Variants in LIN52 observed in about 807,000 individuals in gnomAD.
The protein encoded by LIN52 is protein lin-52 homolog.
LIN52 carries 4 observed loss-of-function variants against 18.5 expected under a neutral mutation model. That is an observed-to-expected ratio of 0.22 (90% confidence interval 0.11 to 0.49). The LOEUF is 0.49. LIN52 is among the 20% of genes least tolerant of loss of function. The pLI is 0.97. For missense variants in LIN52, 102 were observed against 139.5 expected (o/e 0.73, Z 1.35); for synonymous variants, 34 against 45.5 (o/e 0.75, Z 1.02).
intron 1 of LIN52, among the ~76,000 whole-genome samples, chr14:74,089,804 C>A (rs2060760125): frequency 6.6e-6 from 1 of 151,898 alleles, no homozygotes; most frequent in South Asian, 2.1e-4. Flanking sequence ...GATAAAAGTC[C>A]TCATGTTGAA....
intron 1 of LIN52, chr14:74,085,710 A>C (rs1595139977): frequency 2.2e-5 from 2 of 92,200 alleles, no homozygotes; most frequent in East Asian, 6.7e-4. Context: ...AGTAACAATT[A>C]AGTTGTTTTG....
intron 5 of LIN52, among the ~76,000 whole-genome samples, chr14:74,193,400 C>T (rs753815486): frequency 1.8e-4 from 26 of 147,590 alleles, no homozygotes; most frequent in Non-Finnish European, 2.5e-4. Context: ...GGTGACAGAA[C>T]GAGACCTTGT....
rs1595176548 is a variant in LIN52 at position 74,152,539 on chromosome 14, A to C, written c.284-46383A>C. Among the ~76,000 whole-genome samples, 3 of 152,232 alleles carry C rather than the reference A, an allele frequency of 2.0e-5. 1 individual carries two copies. Among genetic ancestry groups the C allele is most frequent in the Non-Finnish European group, 4.4e-5 (3 of 68,026 alleles). On this transcript the variant is annotated intron_variant, in intron 5 of 5. Transcript: ENST00000555028. Reference sequence around the variant, plus strand: ...ATTGTCGCCATTTTACAGTTGGCAAAGGTCTGGACTAGCCCAAGAGCTGTG... The same window carrying C: ...ATTGTCGCCATTTTACAGTTGGCAACGGTCTGGACTAGCCCAAGAGCTGTG...
At chr14:74,152,036 C>G (rs2061178689) in intron 5 of LIN52, among the ~76,000 whole-genome samples, 1 of 152,108 alleles carries the variant, frequency 6.6e-6, no homozygotes, top group African/African-American at 2.4e-5. Context: ...GTGGGCGAAT[C>G]ACTTGAGGCT....
intron 5 of LIN52, among the ~76,000 whole-genome samples, chr14:74,196,425 T>C (rs947377295): frequency 4.6e-5 from 7 of 152,154 alleles, no homozygotes. Context: ...AATGCAGTGC[T>C]CCAGGCCCAG....
chr14:74,201,491 G>A lies in LIN52; in HGVS notation c.*2514G>A, dbSNP rs1273447605. 6.6e-6 allele frequency among the ~76,000 whole-genome samples: 1 copy of A among 152,098 alleles called. No individual in the cohort carries two copies. The highest frequency in any genetic ancestry group is 1.5e-5 in the Non-Finnish European group (1 of 68,024). On this transcript the variant is annotated 3_prime_UTR_variant, in exon 6 of 6. Coordinates refer to ENST00000555028, the MANE Select transcript of LIN52 (RefSeq NM_001024674.3). ...AATAAAGTCTCAATCTCTTGACCCGGCATTTTAAGACTCTCTACATGTAAT... is the reference window on the plus strand; with the variant it reads ...AATAAAGTCTCAATCTCTTGACCCGACATTTTAAGACTCTCTACATGTAAT...
At chr14:74,164,551 G>T (rs1017444391) in intron 5 of LIN52, among the ~76,000 whole-genome samples, 1 of 152,186 alleles carries the variant, frequency 6.6e-6, no homozygotes, top group African/African-American at 2.4e-5. Flanking sequence ...CTCCCAAAGT[G>T]CTGGGATTAC....
At position 74,200,520 on chromosome 14, in the gene LIN52, G is replaced by A. The variant is rs1187039455; in HGVS notation, c.*1543G>A. The A allele has an allele frequency of 1.3e-5, 2 of 151,568 alleles. No individual in the cohort carries two copies. Among genetic ancestry groups the A allele is most frequent in the African/African-American group, 2.4e-5 (1 of 41,226 alleles). 9.4% of individuals were successfully genotyped at this position (151,568 alleles called of 1,614,324 possible). A position where few individuals can be genotyped will look rare whatever the true frequency, so the allele number is the denominator to read the frequency against. ...GGTTTTGAGTCGTGAGTGTTTGCTA[G>A]GGCATGGCACTCTTCAGTTTAACAG... On this transcript the variant is annotated 3_prime_UTR_variant, in exon 6 of 6. Coordinates refer to ENST00000555028, the MANE Select transcript of LIN52 (RefSeq NM_001024674.3).
At chr14:74,146,340 T>G (rs1366865083) in intron 5 of LIN52, among the ~76,000 whole-genome samples, 1 of 152,168 alleles carries the variant, frequency 6.6e-6, no homozygotes, top group Non-Finnish European at 1.5e-5. Context: ...ATTCCTTTAG[T>G]TCTCTTCAGT....
chr14:74,104,908 A>G (rs1291704310), intron 5 of LIN52, among the ~76,000 whole-genome samples: 2 of 152,124 alleles, frequency 1.3e-5, no homozygotes, highest in Admixed American at 1.3e-4. Flanking sequence ...CTAGAGTAGC[A>G]GGCTTTGATC....
At chr14:74,154,561 A>G (rs2061191403) in intron 5 of LIN52, among the ~76,000 whole-genome samples, 1 of 152,198 alleles carries the variant, frequency 6.6e-6, no homozygotes, top group Admixed American at 6.5e-5. Flanking sequence ...TGATCTGCTC[A>G]TATCCCTGAA....
In LIN52 at chr14:74,200,348, G is replaced by T. The variant is rs2078940055; in HGVS notation, c.*1371G>T. On this transcript the variant is annotated 3_prime_UTR_variant, in exon 6 of 6. Coordinates refer to ENST00000555028, the MANE Select transcript of LIN52 (RefSeq NM_001024674.3). ...GAATCGCTTGAATTCGGGAGGTGGA[G>T]GTTGCAGTGAGCCGAAATTATGCCA... 1 of 143,962 alleles carries T rather than the reference G, an allele frequency of 6.9e-6. No homozygotes were observed. 8.9% of individuals were successfully genotyped at this position (143,962 alleles called of 1,614,324 possible). A position where few individuals can be genotyped will look rare whatever the true frequency, so the allele number is the denominator to read the frequency against.
chr14:74,111,361 T>G (rs1322047428), intron 5 of LIN52, among the ~76,000 whole-genome samples: 1 of 151,990 alleles, frequency 6.6e-6, no homozygotes, highest in Non-Finnish European at 1.5e-5. Context: ...CAGTCATAGC[T>G]CACTGCAGCC....
At chr14:74,103,427 A>ATTTTTTTTTTTTTTTTTTTTTTTTTTTT (rs11347849) in intron 5 of LIN52, among the ~76,000 whole-genome samples, 1 of 88,576 alleles carries the variant, frequency 1.1e-5, no homozygotes, top group Non-Finnish European at 2.2e-5. Context: ...AAAATGTAAG[A>ATTTTTTTTTTTTTTTTTTTTTTTTTTTT]TTTTTTTTTT....
chr14:74,189,805 CT>C (rs559777175), intron 5 of LIN52, among the ~76,000 whole-genome samples: 4 of 151,934 alleles, frequency 2.6e-5, no homozygotes, highest in African/African-American at 7.2e-5. Flanking sequence ...TATTTCTGTC[CT>C]TTTTTTTCTG....
rs750271531 is a variant in LIN52 at position 74,183,913 on chromosome 14, C to T, written c.284-15009C>T. Among the ~76,000 whole-genome samples the T allele has an allele frequency of 4.6e-5, 7 of 152,060 alleles. No individual in the cohort carries two copies. In the South Asian group the frequency reaches 1.0e-3, roughly 22 times the overall value. ...AACATCTAATAGTCCATGTCCAGTT[C>T]GGCTCAAAATTGTTTTTTTACAATA... is the stretch of plus-strand genomic sequence containing the variant. On this transcript the variant is annotated intron_variant, in intron 5 of 5. Transcript: ENST00000555028.
chr14:74,166,283 C>T (rs1298827990), intron 5 of LIN52, among the ~76,000 whole-genome samples: 2 of 152,096 alleles, frequency 1.3e-5, no homozygotes, highest in African/African-American at 2.4e-5. Context: ...ATGGCGCGAT[C>T]TCAGCTCACC....
At chr14:74,137,790 G>C (rs572002414) in intron 5 of LIN52, among the ~76,000 whole-genome samples, 1 of 152,006 alleles carries the variant, frequency 6.6e-6, no homozygotes, top group Non-Finnish European at 1.5e-5. Context: ...GAGCCACCGC[G>C]CCTGGCCTCA....
At chr14:74,152,889 G>A (rs912507886) in intron 5 of LIN52, among the ~76,000 whole-genome samples, 1 of 150,628 alleles carries the variant, frequency 6.6e-6, no homozygotes, top group Non-Finnish European at 1.5e-5. Context: ...GAACCTGGGA[G>A]GCAGAGGTTG....
Sources: allele counts gnomAD v4.1 joint callset (sites outside exome capture counted in the v4.1 genomes callset), GRCh38; gene constraint gnomAD v4.1.1; transcripts MANE v1.5; gene names NCBI Gene and HGNC (gene_info 2026-07-23, HGNC 2026-07-21).